Variants in NHSL1 observed in about 807,000 individuals in gnomAD.
The protein encoded by NHSL1 is NHS-like protein 1.
NHSL1 carries 48 observed loss-of-function variants against 95.0 expected under a neutral mutation model. The observed-to-expected ratio is 0.51, with a 90% CI of 0.40 to 0.64. The LOEUF is 0.64. Ranked by LOEUF, NHSL1 falls within the 30% of genes least tolerant of loss-of-function variation. The pLI is 0.00. For missense variants in NHSL1, 1,971 were observed against 2,077.7 expected (o/e 0.95, Z 1.00); for synonymous variants, 783 against 833.9 (o/e 0.94, Z 1.05).
intron 3 of NHSL1, among the ~76,000 whole-genome samples, chr6:138,472,730 G>A (rs988638705): frequency 6.6e-6 from 1 of 152,136 alleles, no homozygotes; most frequent in East Asian, 1.9e-4. Context: ...AGTGGTTTGT[G>A]CATATCACCA....
chr6:138,442,615 AC>A (rs1415026471), intron 4 of NHSL1, among the ~76,000 whole-genome samples: 1 of 152,234 alleles, frequency 6.6e-6, no homozygotes, highest in Non-Finnish European at 1.5e-5. Flanking sequence ...AAGGAGGCTG[AC>A]AATTTGGATA....
chr6:138,445,908 A>T (rs1053260123), intron 4 of NHSL1, among the ~76,000 whole-genome samples: 1 of 152,202 alleles, frequency 6.6e-6, no homozygotes, highest in Non-Finnish European at 1.5e-5. Context: ...TCCATCAAAC[A>T]TACAATTCAA....
At chr6:138,572,039 C>T in exon 1 of NHSL1, 2 of 680,694 alleles carry the variant, frequency 2.9e-6, no homozygotes, top group Non-Finnish European at 4.9e-6. Context: ...AGTCAGGCAC[C>T]GCATTATCCA....
chr6:138,489,985 GGA>G (rs145500008), intron 2 of NHSL1, among the ~76,000 whole-genome samples: 41 of 96,562 alleles, frequency 4.2e-4, no homozygotes, highest in African/African-American at 4.7e-4. Flanking sequence ...GGGGAGAGGG[GGA>G]GAGAGAGAGA....
rs138934522 is a variant in NHSL1 at position 138,654,342 on chromosome 6, G to C, written c.96+38134C>G. ...AAATGTGTATGCTGTTATTAGGACT[G>C]CAATTTTGTACAGCCTTTTTGGAGA... is the stretch of plus-strand genomic sequence containing the variant. On this transcript the variant is annotated intron_variant, in intron 1 of 3. Transcript: ENST00000491526. 2.3e-3 allele frequency among the ~76,000 whole-genome samples: 345 copies of C among 152,250 alleles called. 1 individual carries two copies. The highest frequency in any genetic ancestry group is 7.7e-3 in the African/African-American group (320 of 41,540).
At position 138,423,973 on chromosome 6, in the gene NHSL1, G is replaced by GCA. The variant is rs140498275; in HGVS notation, c.*106_*107dup. On this transcript the variant is annotated 3_prime_UTR_variant, in exon 8 of 8. Coordinates refer to ENST00000343505, the MANE Select transcript of NHSL1 (RefSeq NM_001144060.2). ...CAACCCCGGGGCCCACAGCACAGAAGCAGAGTGGGCTCCCCGGGTGAGCCA... is the reference window on the plus strand; with the variant it reads ...CAACCCCGGGGCCCACAGCACAGAAGCACAGAGTGGGCTCCCCGGGTGAGCCA... 791 of 1,177,094 alleles carry GCA rather than the reference G, an allele frequency of 6.7e-4. 4 individuals carry two copies. In the African/African-American group the frequency reaches 0.012, roughly 17 times the overall value. 72.9% of individuals were successfully genotyped at this position (1,177,094 alleles called of 1,614,324 possible). A position where few individuals can be genotyped will look rare whatever the true frequency, so the allele number is the denominator to read the frequency against.
rs1347785764 is a variant in NHSL1 at position 138,424,603 on chromosome 6, G to A, written c.4299C>T (p.Ser1433=). 4 of 1,551,634 alleles carry A rather than the reference G, an allele frequency of 2.6e-6. No individual in the cohort carries two copies. The highest frequency in any genetic ancestry group is 1.7e-6 in the Non-Finnish European group (2 of 1,146,970). Residue 1433 remains serine (S), a synonymous_variant, in exon 8 of 8, where the codon AGC becomes AGT. Coordinates refer to ENST00000343505, the MANE Select transcript of NHSL1 (RefSeq NM_001144060.2). The surrounding 1 kb of genome is among the most constrained non-coding windows in gnomAD (Gnocchi z 5.9). ...LLKKGSRSDT[S]ARMSAAEMLK... ...GCATCTCTGCTGCAGACATGCGGGCGCTGGTGTCTGAACGACTGCCCTTTT... is the reference window on the plus strand; with the variant it reads ...GCATCTCTGCTGCAGACATGCGGGCACTGGTGTCTGAACGACTGCCCTTTT...
rs1583414419 is a variant in NHSL1 at position 138,563,173 on chromosome 6, T to C, written c.202+8537A>G. On this transcript the variant is annotated intron_variant, in intron 1 of 6. Coordinates refer to the NHSL1 transcript ENST00000427025. ...TCCTTACCAAACCAACTATTGTTTTTATTGGTCACTTATGATATCCAGACT... is the reference window on the plus strand; with the variant it reads ...TCCTTACCAAACCAACTATTGTTTTCATTGGTCACTTATGATATCCAGACT... 2.6e-5 allele frequency among the ~76,000 whole-genome samples: 4 copies of C among 152,352 alleles called. No homozygotes were observed. The East Asian group carries it at 7.7e-4, about 29-fold the overall frequency.
intron 2 of NHSL1, among the ~76,000 whole-genome samples, chr6:138,489,801 AGAGAGAGGGAGAGAGGGAGAGAGG>A (rs1247522434): frequency 7.8e-6 from 1 of 128,442 alleles, no homozygotes; most frequent in East Asian, 2.6e-4. Context: ...GAAAGAAAGA[AGAGAGAGGGAGAGAGGGAGAGAGG>A]GAGAGAGAGA....
At chr6:138,524,165 G>C (rs1156418883) in intron 1 of NHSL1, among the ~76,000 whole-genome samples, 1 of 152,208 alleles carries the variant, frequency 6.6e-6, no homozygotes, top group African/African-American at 2.4e-5. Context: ...ACTTACCTGA[G>C]TAAATCAAGA....
intron 7 of NHSL1, among the ~76,000 whole-genome samples, chr6:138,429,402 G>A (rs530460001): frequency 6.6e-5 from 10 of 152,226 alleles, no homozygotes; most frequent in South Asian, 2.1e-4. Context: ...ACTTTAATCC[G>A]ACTCTTGCTA....
chr6:138,671,512 G>C (rs1428893643), intron 1 of NHSL1, among the ~76,000 whole-genome samples: 2 of 151,274 alleles, frequency 1.3e-5, no homozygotes, highest in East Asian at 3.9e-4. Context: ...AACCAAGAAA[G>C]TGATTAGGGG....
chr6:138,692,617 G>A (rs748037202), upstream of NHSL1: 40 of 174,910 alleles, frequency 2.3e-4, no homozygotes, highest in African/African-American at 9.4e-4. The surrounding 1 kb of genome is among the most constrained non-coding windows in gnomAD (Gnocchi z 4.0). Context: ...CAGCGCGACA[G>A]GTCGGCCAGC....
At chr6:138,615,557 G>A (rs753442987) in intron 1 of NHSL1, among the ~76,000 whole-genome samples, 52 of 152,184 alleles carry the variant, frequency 3.4e-4, no homozygotes, top group Admixed American at 3.9e-4. Flanking sequence ...TGCAACCTCC[G>A]CCTCCCAGGT....
At chr6:138,497,480 C>T (rs903887236) in intron 1 of NHSL1, among the ~76,000 whole-genome samples, 1 of 152,170 alleles carries the variant, frequency 6.6e-6, no homozygotes, top group Non-Finnish European at 1.5e-5. Flanking sequence ...ATGTCCCCAA[C>T]ATAACATGTA....
rs1562270216 is a variant in NHSL1, at chr6:138,437,347, T to TATATATATACACATATATATATATACAC, written c.665-3695_665-3668dup. ...ACACACACATATATATATATACACA[T>TATATATATACACATATATATATATACAC]ATATATATACACATATATATATATA... On this transcript the variant is annotated intron_variant, in intron 5 of 7. Coordinates refer to ENST00000343505, the MANE Select transcript of NHSL1 (RefSeq NM_001144060.2). Among the ~76,000 whole-genome samples, 32 of 82,196 alleles carry TATATATATACACATATATATATATACAC rather than the reference T, an allele frequency of 3.9e-4. 1 individual carries two copies. Among genetic ancestry groups the TATATATATACACATATATATATATACAC allele is most frequent in the African/African-American group, 2.0e-3 (29 of 14,858 alleles). The allele number at this position is 82,196 out of a possible 152,430, so 53.9% of individuals were successfully genotyped here.
chr6:138,684,283 T>C (rs1253292260), intron 1 of NHSL1, among the ~76,000 whole-genome samples: 2 of 151,542 alleles, frequency 1.3e-5, no homozygotes, highest in Non-Finnish European at 2.9e-5. Flanking sequence ...TGCCTTGATA[T>C]TGGTAACAGT....
chr6:138,556,586 G>C (rs960836046), intron 1 of NHSL1, among the ~76,000 whole-genome samples: 1 of 150,180 alleles, frequency 6.7e-6, no homozygotes, highest in East Asian at 1.9e-4. Flanking sequence ...GATGCAAAAT[G>C]GGGATTATAG....
At position 138,424,800 on chromosome 6, in the gene NHSL1, G is replaced by A. The variant is rs749654104; in HGVS notation, c.4102C>T (p.Leu1368Phe). The A allele has an allele frequency of 3.2e-6, 5 of 1,549,568 alleles. No homozygotes were observed. In the African/African-American group the frequency reaches 6.9e-5, roughly 21 times the overall value. ...TCATCATCTGAATCTCTACGGCCGA[G>A]GACTTTCCTTTTGGATCTGAGATTT... ...AAIHRSKRKV[L>F]GRRDSDDDHS... The change falls in exon 8 of 8, where the codon CTC becomes TTC. Residue 1368 changes from leucine to phenylalanine, a missense_variant. Leu to Phe is a conservative substitution (Grantham distance 22). Transcript: ENST00000343505. This position sits in a 1 kb window ranked among gnomAD's most constrained non-coding sequence, Gnocchi z 5.9.
Sources: allele counts gnomAD v4.1 joint callset (sites outside exome capture counted in the v4.1 genomes callset), GRCh38; gene constraint gnomAD v4.1.1; non-coding constraint Gnocchi (gnomAD v3.1); transcripts MANE v1.5; gene names NCBI Gene and HGNC (gene_info 2026-07-23, HGNC 2026-07-21).